CFAP46: variants seen among roughly 807,000 people sequenced by gnomAD.
CFAP46 encodes cilia and flagella associated protein 46.
Under a neutral mutation model 325.7 loss-of-function variants are expected in CFAP46, and 245 were observed. The ratio of observed to expected loss-of-function variants is 0.75; its 90% CI spans 0.68 to 0.84. The LOEUF (loss-of-function observed/expected upper bound fraction) is 0.84. Among genes scored for constraint, CFAP46 ranks in the 40% least tolerant of loss-of-function variants. The pLI is 0.00. For missense variants in CFAP46, 3,346 were observed against 3,543.0 expected, an observed-to-expected ratio of 0.94 and a Z score of 1.41; for synonymous variants, 1,523 against 1,495.9, an observed-to-expected ratio of 1.02 and a Z score of -0.42.
intron 33 of CFAP46, among the ~76,000 whole-genome samples, chr10:132,868,096 T>A (rs1156959023): frequency 3.3e-5 from 5 of 152,176 alleles, no homozygotes; most frequent in African/African-American, 1.2e-4. Flanking sequence ...CAGGGCGTTT[T>A]CGTCCTCTGA....
At chr10:132,870,260 C>T (rs1302316483) in intron 32 of CFAP46, among the ~76,000 whole-genome samples, 1 of 152,140 alleles carries the variant, frequency 6.6e-6, no homozygotes, top group Non-Finnish European at 1.5e-5. Flanking sequence ...TCTCCCTCCC[C>T]TTGGGCCTCC....
At chr10:132,910,506 C>T (rs1426242522) in intron 19 of CFAP46, among the ~76,000 whole-genome samples, 1 of 146,512 alleles carries the variant, frequency 6.8e-6, no homozygotes, top group African/African-American at 2.8e-5. Flanking sequence ...GGGCTGCGCC[C>T]CAGCTCCCTG....
chr10:132,833,616 G>A (rs1480943675), intron 49 of CFAP46, 91 bp from the exon 50 acceptor site: 17 of 1,428,764 alleles, frequency 1.2e-5, no homozygotes, highest in South Asian at 2.6e-5. Flanking sequence ...TGGCTGCTGG[G>A]CGCTGGGAAA....
At chr10:132,922,795 T>G (rs1416089962) in intron 11 of CFAP46, 87 bp from the exon 12 acceptor site, 1 of 1,094,044 alleles carries the variant, frequency 9.1e-7, no homozygotes, top group African/African-American at 1.6e-5. Flanking sequence ...AGGCCTGCAG[T>G]GGCCCCAGAG....
rs1294508819 is a variant in CFAP46, at chr10:132,889,526, G to A, written c.3304+2807C>T. Among the ~76,000 whole-genome samples the A allele has an allele frequency of 6.6e-6, 1 of 152,156 alleles. No homozygotes were observed. Among genetic ancestry groups the A allele is most frequent in the African/African-American group, 2.4e-5 (1 of 41,422 alleles). ...CCTCCTGCTTGAATTCATTAAACCA[G>A]GGTCCAATGAACTTGGAAACCACAC... On this transcript the variant is annotated intron_variant, in intron 25 of 57. Coordinates refer to ENST00000368586, the MANE Select transcript of CFAP46 (RefSeq NM_001200049.3). This position sits in a 1 kb window ranked among gnomAD's most constrained non-coding sequence, Gnocchi z 6.0.
chr10:132,922,732 G>A, intron 11 of CFAP46, 24 bp from the exon 12 acceptor site: 2 of 1,524,904 alleles, frequency 1.3e-6, no homozygotes, highest in South Asian at 1.2e-5. Context: ...GTGGCATCAG[G>A]GGCCCTGGCG....
At position 132,912,709 on chromosome 10, in the gene CFAP46, C is replaced by T. The variant is rs549951772; in HGVS notation, c.2445G>A (p.Ala815=). Residue 815 remains alanine (A), a synonymous_variant, in exon 19 of 58, where the codon GCG becomes GCA. Transcript: ENST00000368586. Reference sequence around the variant, plus strand: ...CTCCTGCGTCCAGTGGGCTGTGAAACGCGTTTGGTCGCATGAATTTCCTGG... The same window carrying T: ...CTCCTGCGTCCAGTGGGCTGTGAAATGCGTTTGGTCGCATGAATTTCCTGG... ...EKSRKFMRPN[A]FHSPLDAGAT... is the part of the protein sequence containing the mutation. 5.3e-5 allele frequency: 82 copies of T among 1,550,166 alleles called. 1 individual carries two copies. In the South Asian group the frequency reaches 5.4e-4, roughly 10 times the overall value.
Position 132,833,413 on chromosome 10 carries a change from C to T in CFAP46, c.7062G>A (p.Val2354=), listed in dbSNP as rs551001905. Residue 2354 remains valine (V), a synonymous_variant, in exon 50 of 58, where the codon GTG becomes GTA. Coordinates refer to ENST00000368586, the MANE Select transcript of CFAP46 (RefSeq NM_001200049.3). ...GCATTTGAAGAGAAAATTCTCGTGA[C>T]ACAGAGGAAATTGTCCCTTCATCGA... ...SVFDEGTISS[V]SREFSLQMLW... is the part of the protein sequence containing the mutation. 4 of 1,614,182 alleles carry T rather than the reference C, an allele frequency of 2.5e-6. No homozygotes were observed. In the East Asian group the frequency reaches 8.9e-5, roughly 36 times the overall value.
In CFAP46 at chr10:132,877,909, T is replaced by G; in HGVS notation, c.4184A>C (p.Lys1395Thr). ...CTTGGGCTCCTTGACTTTCTCCTCCTTTCCCTTCTCCTTGTCCTTCTCTTT... is the reference window on the plus strand; with the variant it reads ...CTTGGGCTCCTTGACTTTCTCCTCCGTTCCCTTCTCCTTGTCCTTCTCTTT... ...RSKEKDKEKG[K>T]EEKVKEPKQS... Residue 1395 changes from lysine to threonine, a missense_variant, in exon 30 of 58, where the codon AAG (lysine) becomes ACG (threonine). Coordinates refer to ENST00000368586, the MANE Select transcript of CFAP46 (RefSeq NM_001200049.3). This position sits in a 1 kb window ranked among gnomAD's most constrained non-coding sequence, Gnocchi z 5.7. 1 of 1,550,360 alleles carries G rather than the reference T, an allele frequency of 6.5e-7. No homozygotes were observed. The highest frequency in any genetic ancestry group is 8.7e-7 in the Non-Finnish European group (1 of 1,147,014).
chr10:132,866,726 C>T (rs1234283170), intron 34 of CFAP46, among the ~76,000 whole-genome samples: 2 of 152,222 alleles, frequency 1.3e-5, no homozygotes, highest in Admixed American at 1.3e-4. Context: ...CTGTGCTGAG[C>T]CCCTGTCCTG....
At chr10:132,918,320 C>T in intron 16 of CFAP46, 73 bp downstream of exon 16, 1 of 951,446 alleles carries the variant, frequency 1.1e-6, no homozygotes, top group Non-Finnish European at 1.4e-6. Flanking sequence ...CTCCACGACG[C>T]ACCTCAGCAC....
At position 132,912,710 on chromosome 10, in the gene CFAP46, G is replaced by A. The variant is rs763404013; in HGVS notation, c.2444C>T (p.Ala815Val). ...EKSRKFMRPN[A>V]FHSPLDAGAT... ...TCCTGCGTCCAGTGGGCTGTGAAAC[G>A]CGTTTGGTCGCATGAATTTCCTGGA... The change falls in exon 19 of 58, where the codon GCG becomes GTG. Residue 815 changes from alanine to valine, a missense_variant. Ala to Val is a moderately conservative substitution (Grantham distance 64). Transcript: ENST00000368586. 64 of 1,550,092 alleles carry A rather than the reference G, an allele frequency of 4.1e-5. No homozygotes were observed. Among genetic ancestry groups the A allele is most frequent in the Admixed American group, 9.8e-5 (5 of 50,986 alleles).
At chr10:132,834,005 C>T in intron 49 of CFAP46, 36 bp downstream of exon 49, 1 of 1,594,936 alleles carries the variant, frequency 6.3e-7, no homozygotes, top group Non-Finnish European at 8.6e-7. Flanking sequence ...GCGGGATGAG[C>T]TCCCCAGGCT....
chr10:132,887,114 C>G (rs1849145537), intron 25 of CFAP46, among the ~76,000 whole-genome samples: 1 of 135,892 alleles, frequency 7.4e-6, no homozygotes, highest in Non-Finnish European at 1.6e-5. Flanking sequence ...TCCTCTTTCA[C>G]CTCTCTCTCT....
chr10:132,919,343 G>A lies in CFAP46; in HGVS notation c.1830C>T (p.Val610=). ...ASRFCLLYDN[V]KVKKLRLRRG... ...GCCGCAGCCTCAACTTCTTCACCTT[G>A]ACGTTGTCATACAGGAGGCAGAAGC... Residue 610 remains valine, a synonymous_variant, in exon 15 of 58, where the codon GTC becomes GTT. Coordinates refer to ENST00000368586, the MANE Select transcript of CFAP46 (RefSeq NM_001200049.3). This position sits in a 1 kb window ranked among gnomAD's most constrained non-coding sequence, Gnocchi z 9.7. The A allele has an allele frequency of 6.5e-7, 1 of 1,550,126 alleles. No individual in the cohort carries two copies. Among genetic ancestry groups the A allele is most frequent in the Non-Finnish European group, 8.7e-7 (1 of 1,146,874 alleles).
chr10:132,821,439 AGTGCTGATGTGTGCTGTGT>A (rs1285638672), intron 50 of CFAP46, among the ~76,000 whole-genome samples: 377 of 52,142 alleles, frequency 7.2e-3, no homozygotes, highest in African/African-American at 0.029. Flanking sequence ...GTGCTGTGTG[AGTGCTGATGTGTGCTGTGT>A]GTGCTGATGT....
chr10:132,928,803 G>A (rs1004068900), intron 9 of CFAP46, among the ~76,000 whole-genome samples: 71 of 152,306 alleles, frequency 4.7e-4, no homozygotes, highest in Non-Finnish European at 1.8e-4. Flanking sequence ...CTGTGGAAGA[G>A]CCTGTCACAG....
chr10:132,922,412 C>T, intron 12 of CFAP46, 68 bp downstream of exon 12: 1 of 1,476,914 alleles, frequency 6.8e-7, no homozygotes, highest in African/African-American at 1.4e-5. Flanking sequence ...GCTGTGCCCT[C>T]AGAGCCCCGC....
At chr10:132,861,007 C>T in intron 35 of CFAP46, 25 bp from the exon 36 acceptor site, 1 of 1,548,520 alleles carries the variant, frequency 6.5e-7, no homozygotes, top group Non-Finnish European at 8.7e-7. Flanking sequence ...CTCAGACATG[C>T]TTGGGTTCCT....
Sources: allele counts gnomAD v4.1 joint callset (sites outside exome capture counted in the v4.1 genomes callset), GRCh38; gene constraint gnomAD v4.1.1; non-coding constraint Gnocchi (gnomAD v3.1); transcripts MANE v1.5; gene names NCBI Gene and HGNC (gene_info 2026-07-23, HGNC 2026-07-21).